CSTPP1: variants seen among roughly 807,000 people sequenced by gnomAD.
CSTPP1 encodes the protein UPF0705 protein C11orf49.
chr11:47,122,411 G>A, the CSTPP1 span, among the ~76,000 whole-genome samples: 2 of 151,904 alleles, frequency 1.3e-5, no homozygotes, highest in Admixed American at 6.6e-5. Flanking sequence ...CACTGAGAAC[G>A]AGGGACATGG....
chr11:47,074,273 G>A, the CSTPP1 span, among the ~76,000 whole-genome samples: 9 of 152,062 alleles, frequency 5.9e-5, no homozygotes, highest in Admixed American at 2.6e-4. Flanking sequence ...GCAAACATGG[G>A]AGGATTGCTT....
At chr11:46,971,932 C>T in the CSTPP1 span, among the ~76,000 whole-genome samples, 2 of 152,068 alleles carry the variant, frequency 1.3e-5, no homozygotes, top group East Asian at 1.9e-4. Flanking sequence ...AGCAACACAG[C>T]GAGACCTTGT....
the CSTPP1 span, among the ~76,000 whole-genome samples, chr11:47,153,308 C>T: frequency 5.3e-5 from 8 of 152,224 alleles, no homozygotes; most frequent in Non-Finnish European, 7.3e-5. Context: ...TGCTTCTTCC[C>T]GCCCTCCAGC....
At chr11:46,967,835 A>G in the CSTPP1 span, among the ~76,000 whole-genome samples, 9 of 150,138 alleles carry the variant, frequency 6.0e-5, no homozygotes, top group South Asian at 2.1e-4. Context: ...TATTAACTAT[A>G]TTATTATCGA....
At chr11:46,940,517 A>G in the CSTPP1 span, among the ~76,000 whole-genome samples, 1 of 152,330 alleles carries the variant, frequency 6.6e-6, no homozygotes, top group East Asian at 1.9e-4. Context: ...AACAAAATAC[A>G]TCAAACTTGG....
the CSTPP1 span, chr11:47,159,965 T>C: frequency 3.2e-6 from 1 of 316,988 alleles, no homozygotes; most frequent in South Asian, 2.6e-5. Context: ...GATCGCATCA[T>C]TGCATTTCAG....
the CSTPP1 span, among the ~76,000 whole-genome samples, chr11:47,070,267 GGAGAGA>G: frequency 2.2e-4 from 33 of 146,776 alleles, no homozygotes; most frequent in Non-Finnish European, 4.7e-4. Flanking sequence ...GGAGAGAGGG[GGAGAGA>G]GAGAGAGAGA....
At chr11:47,072,751 T>C in the CSTPP1 span, among the ~76,000 whole-genome samples, 1 of 152,092 alleles carries the variant, frequency 6.6e-6, no homozygotes, top group South Asian at 2.1e-4. Context: ...ACAAAATAAT[T>C]CATAGTCTGA....
At chr11:47,065,977 T>TTGTGTGTGTGTGTGTG in the CSTPP1 span, among the ~76,000 whole-genome samples, 4,875 of 146,000 alleles carry the variant, frequency 0.033, 105 homozygotes, top group South Asian at 0.054. Context: ...GGTCTAACAG[T>TTGTGTGTGTGTGTGTG]TGTGTGTGTG....
the CSTPP1 span, among the ~76,000 whole-genome samples, chr11:47,163,261 A>C: frequency 6.6e-6 from 1 of 152,154 alleles, no homozygotes; most frequent in Non-Finnish European, 1.5e-5. Flanking sequence ...ATGGTTCTCA[A>C]ATCCTGGTGT....
chr11:47,067,971 A>G, the CSTPP1 span, among the ~76,000 whole-genome samples: 1 of 152,002 alleles, frequency 6.6e-6, no homozygotes, highest in Non-Finnish European at 1.5e-5. Flanking sequence ...ACATTGATAA[A>G]CTTATATTCA....
the CSTPP1 span, among the ~76,000 whole-genome samples, chr11:46,946,548 C>T: frequency 6.6e-6 from 1 of 152,214 alleles, no homozygotes. Context: ...GTCCCAGCTA[C>T]TCGCGAGGCT....
At chr11:47,082,550 T>C in the CSTPP1 span, among the ~76,000 whole-genome samples, 2 of 152,204 alleles carry the variant, frequency 1.3e-5, no homozygotes, top group Non-Finnish European at 2.9e-5. Flanking sequence ...AATAACTAGA[T>C]TGAGATATAA....
chr11:47,076,963 GAA>G, the CSTPP1 span, among the ~76,000 whole-genome samples: 104 of 129,626 alleles, frequency 8.0e-4, no homozygotes, highest in South Asian at 1.2e-3. Context: ...AAAACAGGAG[GAA>G]AAAAAAAAAA....
At chr11:47,158,855 C>T in the CSTPP1 span, among the ~76,000 whole-genome samples, 1 of 152,088 alleles carries the variant, frequency 6.6e-6, no homozygotes, top group Non-Finnish European at 1.5e-5. Context: ...TTTTGTGTCT[C>T]GAGAGATCCT....
chr11:47,111,057 T>C, the CSTPP1 span, among the ~76,000 whole-genome samples: 6 of 151,998 alleles, frequency 3.9e-5, no homozygotes, highest in Non-Finnish European at 8.8e-5. Flanking sequence ...TCCTGGCTAA[T>C]TTTTTTGTAT....
the CSTPP1 span, among the ~76,000 whole-genome samples, chr11:46,998,121 CG>C: frequency 6.6e-6 from 1 of 152,222 alleles, no homozygotes; most frequent in Non-Finnish European, 1.5e-5. Context: ...CCGTCTTCTG[CG>C]TCGCTCACGC....
chr11:47,097,310 G>A, the CSTPP1 span, among the ~76,000 whole-genome samples: 2 of 127,116 alleles, frequency 1.6e-5, no homozygotes, highest in African/African-American at 2.9e-5. Flanking sequence ...CAGCCGCCCC[G>A]TCCGGGAGGG....
chr11:47,164,224 A>G, the CSTPP1 span: 4 of 1,613,450 alleles, frequency 2.5e-6, no homozygotes, highest in African/African-American at 4.0e-5. Flanking sequence ...CCGACGCCCT[A>G]CCATTACCGG....
Sources: gnomAD v4.1 joint callset for allele counts (sites outside exome capture counted in the v4.1 genomes callset) on GRCh38, gnomAD v4.1.1 for gene constraint, MANE v1.5 for transcripts, NCBI Gene and HGNC (gene_info 2026-07-23, HGNC 2026-07-21) for gene names.